SGCZ: variants seen among roughly 807,000 people sequenced by gnomAD.
SGCZ encodes the protein zeta-sarcoglycan.
Under a neutral mutation model 41.3 loss-of-function variants are expected in SGCZ, and 40 were observed. The ratio of observed to expected loss-of-function variants is 0.97; its 90% CI spans 0.75 to 1.26. SGCZ has a LOEUF of 1.26. Among genes scored for constraint, SGCZ ranks in the 50% most tolerant of loss-of-function variants. The probability of loss-of-function intolerance (pLI) is 0.00; values close to 1 mark genes in which losing one functional copy is unlikely to be tolerated. For missense variants in SGCZ, 552 were observed against 369.8 expected, an observed-to-expected ratio of 1.49 and a Z score of -4.04; for synonymous variants, 206 against 137.5, an observed-to-expected ratio of 1.50 and a Z score of -3.49.
At chr8:15,178,744 C>A (rs1800072175) in intron 1 of SGCZ, among the ~76,000 whole-genome samples, 1 of 152,062 alleles carries the variant, frequency 6.6e-6, no homozygotes, top group Non-Finnish European at 1.5e-5. Context: ...TATATAATAG[C>A]CCAAATCACA....
intron 6 of SGCZ, among the ~76,000 whole-genome samples, chr8:14,103,921 T>C (rs1802120932): frequency 6.6e-6 from 1 of 152,158 alleles, no homozygotes; most frequent in African/African-American, 2.4e-5. Flanking sequence ...TTAAAATGTA[T>C]TTTTTATCAC....
chr8:14,239,057 C>T (rs1424091210), intron 3 of SGCZ, among the ~76,000 whole-genome samples: 1 of 151,180 alleles, frequency 6.6e-6, no homozygotes, highest in Non-Finnish European at 1.5e-5. Context: ...GGTGTAACTA[C>T]CTACAGACAC....
chr8:14,573,249 G>A (rs2117236626), intron 1 of SGCZ, among the ~76,000 whole-genome samples: 1 of 132,998 alleles, frequency 7.5e-6, no homozygotes, highest in South Asian at 2.5e-4. Flanking sequence ...CCAGGCTGGA[G>A]TGCAGTGGCG....
chr8:14,098,165 A>G (rs945259459), intron 7 of SGCZ, among the ~76,000 whole-genome samples: 2 of 152,214 alleles, frequency 1.3e-5, no homozygotes, highest in African/African-American at 4.8e-5. Context: ...GGCTGCATTT[A>G]TCAACAGTAT....
chr8:14,529,837 G>A (rs1480771572), intron 2 of SGCZ, among the ~76,000 whole-genome samples: 1 of 151,908 alleles, frequency 6.6e-6, no homozygotes, highest in African/African-American at 2.4e-5. Flanking sequence ...TTATTGTAAA[G>A]ATAATAAAAT....
chr8:14,664,877 T>C (rs1034905983), intron 1 of SGCZ, among the ~76,000 whole-genome samples: 1 of 152,134 alleles, frequency 6.6e-6, no homozygotes, highest in African/African-American at 2.4e-5. Flanking sequence ...CTCTGACATA[T>C]GGATTGTGGT....
intron 2 of SGCZ, among the ~76,000 whole-genome samples, chr8:14,510,425 A>G (rs561894543): frequency 2.2e-4 from 34 of 151,766 alleles, no homozygotes; most frequent in African/African-American, 8.0e-4. Flanking sequence ...TTACTATAAA[A>G]CCTATCTTTG....
At chr8:14,419,329 T>G (rs1324480759) in intron 2 of SGCZ, among the ~76,000 whole-genome samples, 1 of 151,950 alleles carries the variant, frequency 6.6e-6, no homozygotes, top group Admixed American at 6.6e-5. Flanking sequence ...TTCATTGCTT[T>G]GACTCATAAG....
chr8:14,228,259 A>T (rs1806441803), intron 4 of SGCZ, among the ~76,000 whole-genome samples: 1 of 152,122 alleles, frequency 6.6e-6, no homozygotes, highest in Non-Finnish European at 1.5e-5. Flanking sequence ...CCACAAAGGA[A>T]GCCTCATTAA....
intron 1 of SGCZ, among the ~76,000 whole-genome samples, chr8:15,097,155 C>T (rs146567945): frequency 6.6e-6 from 1 of 152,204 alleles, no homozygotes; most frequent in East Asian, 1.9e-4. Context: ...ACTGTTTGGG[C>T]CACTGTTACG....
chr8:14,450,322 C>G (rs1039075551), intron 2 of SGCZ, among the ~76,000 whole-genome samples: 1 of 152,070 alleles, frequency 6.6e-6, no homozygotes, highest in South Asian at 2.1e-4. Flanking sequence ...GCAAGTATTG[C>G]GGTATGCATA....
At position 14,087,184 on chromosome 8, in the gene SGCZ, A is replaced by G. The variant is rs966239174; in HGVS notation, c.*3259T>C. 6.6e-6 allele frequency among the ~76,000 whole-genome samples: 1 copy of G among 151,572 alleles called. No homozygotes were observed. Among genetic ancestry groups the G allele is most frequent in the Non-Finnish European group, 1.5e-5 (1 of 67,684 alleles). ...AAACATATCATTCACAATAAAATAT[A>G]TATATTTTAGACATAAATGTGTGTA... On this transcript the variant is annotated 3_prime_UTR_variant, in exon 8 of 8. Transcript: ENST00000382080.
chr8:14,957,329 T>A (rs1174520251), intron 1 of SGCZ, among the ~76,000 whole-genome samples: 1 of 152,094 alleles, frequency 6.6e-6, no homozygotes, highest in Non-Finnish European at 1.5e-5. Context: ...ACTTTTGTAG[T>A]AAAGTAAGTA....
Position 14,371,290 on chromosome 8 carries a change from G to A in SGCZ, c.235-47086C>T, listed in dbSNP as rs557878057. The stretch of plus-strand genomic sequence containing the variant: ...CTCCTGAATAAGATATCAGAAATAA[G>A]TATTATTAGAATCATTAAAAAATCT... On this transcript the variant is annotated intron_variant, in intron 2 of 7. Transcript: ENST00000382080. Among the ~76,000 whole-genome samples, 5 of 151,986 alleles carry A rather than the reference G, an allele frequency of 3.3e-5. No individual in the cohort carries two copies. In the South Asian group the frequency reaches 8.3e-4, roughly 25 times the overall value.
At chr8:15,206,859 G>C (rs1234723196) in intron 1 of SGCZ, among the ~76,000 whole-genome samples, 2 of 152,088 alleles carry the variant, frequency 1.3e-5, no homozygotes, top group African/African-American at 4.8e-5. Context: ...AGGTGAATTT[G>C]ACCTTAGTAT....
intron 1 of SGCZ, among the ~76,000 whole-genome samples, chr8:15,124,666 G>A (rs1180080517): frequency 2.0e-5 from 3 of 152,126 alleles, no homozygotes; most frequent in Non-Finnish European, 4.4e-5. Flanking sequence ...ATTCTTATGA[G>A]TTTTATGGTT....
At chr8:14,523,766 G>C (rs867384154) in intron 2 of SGCZ, among the ~76,000 whole-genome samples, 24 of 151,976 alleles carry the variant, frequency 1.6e-4, no homozygotes, top group Admixed American at 2.6e-4. Context: ...CTTTCTTCCA[G>C]TAAGTTTCAG....
intron 2 of SGCZ, among the ~76,000 whole-genome samples, chr8:14,532,078 A>T (rs1274911169): frequency 6.6e-6 from 1 of 152,122 alleles, no homozygotes; most frequent in Non-Finnish European, 1.5e-5. Context: ...AAATCTTTCC[A>T]TGTAGTTGTT....
intron 2 of SGCZ, among the ~76,000 whole-genome samples, chr8:14,501,959 C>G (rs948070144): frequency 6.6e-6 from 1 of 151,722 alleles, no homozygotes; most frequent in Non-Finnish European, 1.5e-5. Context: ...GAAAATGAAG[C>G]GAAAAGTATA....
Sources: allele counts gnomAD v4.1 joint callset (sites outside exome capture counted in the v4.1 genomes callset), GRCh38; gene constraint gnomAD v4.1.1; transcripts MANE v1.5; gene names NCBI Gene and HGNC (gene_info 2026-07-23, HGNC 2026-07-21).